Variants in TESPA1 observed in about 807,000 individuals in gnomAD.
TESPA1 encodes the protein thymocyte expressed, positive selection associated 1, also known as protein TESPA1.
Under a neutral mutation model 57.9 loss-of-function variants are expected in TESPA1, and 33 were observed. The observed-to-expected ratio is 0.57, with a 90% CI of 0.43 to 0.76. TESPA1 has a LOEUF of 0.76. Among genes scored for constraint, TESPA1 ranks in the 30% least tolerant of loss-of-function variants. The pLI is 0.00. For synonymous variants in TESPA1, 227 were observed against 228.9 expected, an observed-to-expected ratio of 0.99 and a Z score of 0.07; for missense variants, 618 against 632.9, an observed-to-expected ratio of 0.98 and a Z score of 0.25.
intron 10 of TESPA1, among the ~76,000 whole-genome samples, chr12:54,957,205 C>G (rs1382403087): frequency 3.9e-5 from 6 of 152,172 alleles, no homozygotes; most frequent in Non-Finnish European, 8.8e-5. Flanking sequence ...TCCCATTTGC[C>G]TACTCAGCTG....
chr12:54,963,608 C>A, intron 8 of TESPA1, 134 bp downstream of exon 8: 1 of 1,017,664 alleles, frequency 9.8e-7, no homozygotes, highest in South Asian at 1.7e-5. Context: ...CTGAAGACAA[C>A]ATAAGAGGAA....
At position 54,950,111 on chromosome 12, in the gene TESPA1, A is replaced by T. The variant is rs577751850; in HGVS notation, c.*281T>A. 4.7e-4 allele frequency: 164 copies of T among 349,364 alleles called. 1 individual carries two copies. Among genetic ancestry groups the T allele is most frequent in the Middle Eastern group, 4.0e-3 (4 of 1,002 alleles). 21.6% of individuals were successfully genotyped at this position (349,364 alleles called of 1,614,324 possible). The stretch of plus-strand genomic sequence containing the variant: ...CCACATTATATATTTTAATACACAC[A>T]TAGTAGAGAAACCAGTGTACAGAGA... On this transcript the variant is annotated 3_prime_UTR_variant, in exon 11 of 11. Coordinates refer to ENST00000449076, the MANE Select transcript of TESPA1 (RefSeq NM_001136030.3).
intron 2 of TESPA1, chr12:54,973,733 C>T: frequency 7.6e-7 from 1 of 1,322,752 alleles, no homozygotes; most frequent in Non-Finnish European, 9.6e-7. Context: ...TCCCTTCCTC[C>T]CAAGAACCTG....
At chr12:54,966,849 A>T (rs1951467611) in intron 5 of TESPA1, among the ~76,000 whole-genome samples, 1 of 152,194 alleles carries the variant, frequency 6.6e-6, no homozygotes, top group South Asian at 2.1e-4. Context: ...CATCCAATGC[A>T]CAGACTTGTT....
intron 1 of TESPA1, among the ~76,000 whole-genome samples, chr12:54,978,245 GA>G (rs779700910): frequency 6.6e-6 from 1 of 152,138 alleles, no homozygotes; most frequent in Non-Finnish European, 1.5e-5. Flanking sequence ...TTGGTGCAGT[GA>G]AAAGAAAACT....
rs1370119064 is a variant in TESPA1, at chr12:54,949,090, G to C, written c.*1302C>G. ...TGGGAAGGGTAGGAAACTTGGAGTG[G>C]GGGGGCTTTTTCCAAATTGTGAAAC... On this transcript the variant is annotated 3_prime_UTR_variant, in exon 11 of 11. Coordinates refer to ENST00000449076, the MANE Select transcript of TESPA1 (RefSeq NM_001136030.3). 2 of 24,618 alleles carry C rather than the reference G, an allele frequency of 8.1e-5. No individual in the cohort carries two copies. The highest frequency in any genetic ancestry group is 3.9e-4 in the East Asian group (1 of 2,562). The allele number at this position is 24,618 out of a possible 1,614,324, so 1.5% of individuals were successfully genotyped here. A position where few individuals can be genotyped will look rare whatever the true frequency, so the allele number is the denominator to read the frequency against.
rs1951180842 is a variant in TESPA1, at chr12:54,962,939, A to G, written c.959T>C (p.Met320Thr). The change falls in exon 9 of 11, where the codon ATG becomes ACG. Residue 320 changes from methionine (M) to threonine (T), a missense_variant. Physicochemically the swap from Met to Thr is moderately conservative, Grantham distance 81. Around this residue, in one of 3 missense-constraint regions of TESPA1, gnomAD observed 409 missense variants for 420.1 expected, o/e 0.97. Transcript: ENST00000449076. ...NSLDQVVLEV[M>T]DKVKEEKQFL... is the part of the protein sequence containing the mutation. ...CTGCTTCTCTTCTTTCACTTTGTCC[A>G]TCACTTCCAACACAACTTGGTCCAA... 2 of 1,613,580 alleles carry G rather than the reference A, an allele frequency of 1.2e-6. No homozygotes were observed. The highest frequency in any genetic ancestry group is 8.5e-7 in the Non-Finnish European group (1 of 1,179,854).
intron 6 of TESPA1, 46 bp downstream of exon 6, chr12:54,966,342 A>G (rs1951430639): frequency 1.2e-6 from 2 of 1,613,446 alleles, no homozygotes; most frequent in Non-Finnish European, 1.7e-6. Context: ...CAATTCACTG[A>G]TTCTTAAAGG....
At chr12:54,958,367 T>C (rs545900987) in intron 10 of TESPA1, among the ~76,000 whole-genome samples, 1 of 152,232 alleles carries the variant, frequency 6.6e-6, no homozygotes, top group Non-Finnish European at 1.5e-5. Context: ...AAGTTGCATG[T>C]AATTCTTATC....
At chr12:54,956,601 G>A (rs562485440) in intron 10 of TESPA1, among the ~76,000 whole-genome samples, 2 of 152,316 alleles carry the variant, frequency 1.3e-5, no homozygotes, top group Non-Finnish European at 1.5e-5. Flanking sequence ...TCCCAGCAGA[G>A]ACTAAATGAG....
chr12:54,961,079 T>C lies in TESPA1; in HGVS notation c.*1+89A>G, dbSNP rs562765017. The C allele has an allele frequency of 2.7e-3, 3,904 of 1,459,874 alleles. 17 individuals are homozygous for C. The highest frequency in any genetic ancestry group is 0.013 in the Middle Eastern group (72 of 5,736). 90.4% of individuals were successfully genotyped at this position (1,459,874 alleles called of 1,614,324 possible). A position where few individuals can be genotyped will look rare whatever the true frequency, so the allele number is the denominator to read the frequency against. ...ATCAGAATTACAGAATGTGGGACCC[T>C]TTATTATGGGTTTAAAAAAAAAAAA... On this transcript the variant is annotated intron_variant, in intron 10 of 10. Transcript: ENST00000449076.
chr12:54,980,356 C>T (rs1952267982), intron 1 of TESPA1, among the ~76,000 whole-genome samples: 1 of 152,194 alleles, frequency 6.6e-6, no homozygotes, highest in African/African-American at 2.4e-5. Context: ...TTTAGCCTTC[C>T]TCAGGCTTAC....
Position 54,948,151 on chromosome 12 carries a change from A to G in TESPA1, c.*2241T>C, listed in dbSNP as rs144183475. 1 of 152,068 alleles carries G rather than the reference A, an allele frequency of 6.6e-6. No homozygotes were observed. The highest frequency in any genetic ancestry group is 6.5e-5 in the Admixed American group (1 of 15,268). 9.4% of individuals were successfully genotyped at this position (152,068 alleles called of 1,614,324 possible). On this transcript the variant is annotated 3_prime_UTR_variant, in exon 11 of 11. Coordinates refer to ENST00000449076, the MANE Select transcript of TESPA1 (RefSeq NM_001136030.3). ...TAGTGGAAAATTACAGTCAAAGGGG[A>G]TTATTCTCTGGCAGGCAGGGGTGGG... is the stretch of plus-strand genomic sequence containing the variant.
At position 54,950,075 on chromosome 12, in the gene TESPA1, T is replaced by C. The variant is rs1024029413; in HGVS notation, c.*317A>G. On this transcript the variant is annotated 3_prime_UTR_variant, in exon 11 of 11. Coordinates refer to ENST00000449076, the MANE Select transcript of TESPA1 (RefSeq NM_001136030.3). Reference sequence around the variant, plus strand: ...GGGAGAAAATTAAGGCTTTGTTCAGTTTACTATCATCCACATTATATATTT... The same window carrying C: ...GGGAGAAAATTAAGGCTTTGTTCAGCTTACTATCATCCACATTATATATTT... 3 of 263,398 alleles carry C rather than the reference T, an allele frequency of 1.1e-5. No homozygotes were observed. The Admixed American group carries it at 1.4e-4, about 13-fold the overall frequency. The allele number at this position is 263,398 out of a possible 1,614,324, so 16.3% of individuals were successfully genotyped here. A position where few individuals can be genotyped will look rare whatever the true frequency, so the allele number is the denominator to read the frequency against.
chr12:54,963,598 C>T (rs7973141), intron 8 of TESPA1, 144 bp downstream of exon 8: 278,580 of 948,920 alleles, frequency 0.29, 57,518 homozygotes, highest in East Asian at 0.93. Context: ...TCCATCTTCA[C>T]TGAAGACAAC....
At chr12:54,983,180 C>T (rs1363372984) in intron 1 of TESPA1, among the ~76,000 whole-genome samples, 2 of 152,186 alleles carry the variant, frequency 1.3e-5, no homozygotes, top group Admixed American at 1.3e-4. Flanking sequence ...TTCATGTTCA[C>T]TACATAATGC....
intron 7 of TESPA1, 90 bp downstream of exon 7, chr12:54,965,963 C>T (rs975035288): frequency 1.6e-6 from 2 of 1,240,350 alleles, no homozygotes; most frequent in Non-Finnish European, 1.1e-6. Context: ...AGTAAGATAT[C>T]CCAGAAAAAA....
In TESPA1 at chr12:54,948,767, A is replaced by G. The variant is rs1318632187; in HGVS notation, c.*1625T>C. On this transcript the variant is annotated 3_prime_UTR_variant, in exon 11 of 11. Transcript: ENST00000449076. ...TATAGCAGTGTGAGAATGGACTAAT[A>G]CAGTTCTTTAAATGAAATATTGTCA... 1 of 152,344 alleles carries G rather than the reference A, an allele frequency of 6.6e-6. No individual in the cohort carries two copies. The highest frequency in any genetic ancestry group is 1.5e-5 in the Non-Finnish European group (1 of 68,040). 9.4% of individuals were successfully genotyped at this position (152,344 alleles called of 1,614,324 possible).
Position 54,949,541 on chromosome 12 carries a change from C to A in TESPA1, c.*851G>T, listed in dbSNP as rs1458915930. Reference sequence around the variant, plus strand: ...TGAAACCACATACTGCCTAAGAGAGCACTGCATGTGCTCAAGCCCTGTTTA... The same window carrying A: ...TGAAACCACATACTGCCTAAGAGAGAACTGCATGTGCTCAAGCCCTGTTTA... On this transcript the variant is annotated 3_prime_UTR_variant, in exon 11 of 11. Coordinates refer to ENST00000449076, the MANE Select transcript of TESPA1 (RefSeq NM_001136030.3). 2 of 152,266 alleles carry A rather than the reference C, an allele frequency of 1.3e-5. No individual in the cohort carries two copies. The highest frequency in any genetic ancestry group is 2.9e-5 in the Non-Finnish European group (2 of 68,018). 9.4% of individuals were successfully genotyped at this position (152,266 alleles called of 1,614,324 possible).
Sources: allele counts gnomAD v4.1 joint callset (sites outside exome capture counted in the v4.1 genomes callset), GRCh38; gene constraint gnomAD v4.1.1; regional missense constraint gnomAD v4.1.1; transcripts MANE v1.5; gene names NCBI Gene and HGNC (gene_info 2026-07-23, HGNC 2026-07-21).